TMED3: variants seen among roughly 807,000 people sequenced by gnomAD.
TMED3 encodes the protein transmembrane emp24 domain-containing protein 3.
TMED3 carries 9 observed loss-of-function variants against 15.0 expected under a neutral mutation model. The ratio of observed to expected loss-of-function variants is 0.60; its 90% CI spans 0.36 to 1.04. The LOEUF is 1.04. TMED3 is among the 50% of genes least tolerant of loss of function. The pLI is 0.01. For synonymous variants in TMED3, 117 were observed against 121.4 expected (o/e 0.96, Z 0.24); for missense variants, 267 against 278.9 (o/e 0.96, Z 0.30).
At chr15:79,314,099 A>G in intron 2 of TMED3, 94 bp downstream of exon 2, 3 of 1,508,350 alleles carry the variant, frequency 2.0e-6, no homozygotes, top group Non-Finnish European at 1.8e-6. Flanking sequence ...GTCATCATCC[A>G]TCCAGCTCCC....
chr15:79,315,390 G>C (rs1251485534), intron 2 of TMED3, among the ~76,000 whole-genome samples: 1 of 152,154 alleles, frequency 6.6e-6, no homozygotes, highest in Non-Finnish European at 1.5e-5. Context: ...TGGGCTTTTG[G>C]CAACATGACT....
At chr15:79,377,909 G>A (rs1419523526) in intron 2 of TMED3, among the ~76,000 whole-genome samples, 1 of 152,018 alleles carries the variant, frequency 6.6e-6, no homozygotes, top group Admixed American at 6.5e-5. Context: ...GCCTCCCAAA[G>A]TGCTGGGATT....
At chr15:79,403,926 A>G (rs1485140722) in intron 2 of TMED3, among the ~76,000 whole-genome samples, 1 of 152,148 alleles carries the variant, frequency 6.6e-6, no homozygotes, top group Non-Finnish European at 1.5e-5. Flanking sequence ...GGTTCATTGT[A>G]TATATTGCAT....
chr15:79,322,889 A>C (rs930083613), downstream of TMED3: 1 of 985,396 alleles, frequency 1.0e-6, no homozygotes, highest in Non-Finnish European at 1.2e-6. Flanking sequence ...TCCAGAGCTT[A>C]CTGCAGAGCA....
intron 2 of TMED3, among the ~76,000 whole-genome samples, chr15:79,403,878 T>C (rs114059497): frequency 7.9e-5 from 12 of 152,200 alleles, no homozygotes; most frequent in African/African-American, 2.9e-4. Flanking sequence ...AATATGTACA[T>C]TCTAGATATT....
At chr15:79,357,310 C>T (rs559512089) in intron 2 of TMED3, among the ~76,000 whole-genome samples, 1 of 150,394 alleles carries the variant, frequency 6.6e-6, no homozygotes, top group African/African-American at 2.4e-5. Flanking sequence ...CATAGTGAGA[C>T]TCCCATTTCT....
At chr15:79,404,987 G>A (rs1421130151) in intron 2 of TMED3, among the ~76,000 whole-genome samples, 1 of 152,208 alleles carries the variant, frequency 6.6e-6, no homozygotes, top group Admixed American at 6.5e-5. Context: ...GGTGGCACTG[G>A]TGTGTCAAAG....
chr15:79,383,076 G>A (rs777507156), intron 2 of TMED3: 29 of 1,484,462 alleles, frequency 2.0e-5, no homozygotes, highest in African/African-American at 8.3e-5. Flanking sequence ...CATGCTCCAC[G>A]GGACATGGCT....
At chr15:79,394,124 G>A (rs1893733580) in intron 2 of TMED3, among the ~76,000 whole-genome samples, 1 of 152,136 alleles carries the variant, frequency 6.6e-6, no homozygotes, top group South Asian at 2.1e-4. Context: ...AGCTGAAGAG[G>A]GTCTGCATAG....
At chr15:79,395,164 T>C (rs923145977) in intron 2 of TMED3, among the ~76,000 whole-genome samples, 5 of 152,140 alleles carry the variant, frequency 3.3e-5, no homozygotes, top group Non-Finnish European at 7.4e-5. Flanking sequence ...CTGTAGATGA[T>C]GTCCCTGGTT....
chr15:79,395,867 T>C lies in TMED3; in HGVS notation c.418-15533T>C, dbSNP rs142296957. ...TTGTTCTTTCTCCTAATTGATACTA[T>C]GGCAAATAATAACATTTTGGATGGA... On this transcript the variant is annotated intron_variant, in intron 2 of 2. Transcript: ENST00000424155. Among the ~76,000 whole-genome samples, 677 of 152,352 alleles carry C rather than the reference T, an allele frequency of 4.4e-3. 3 individuals carry two copies. The highest frequency in any genetic ancestry group is 0.016 in the African/African-American group (662 of 41,588).
At chr15:79,410,331 C>T (rs185579421) in intron 2 of TMED3, among the ~76,000 whole-genome samples, 65 of 152,054 alleles carry the variant, frequency 4.3e-4, no homozygotes, top group Non-Finnish European at 5.6e-4. Context: ...GTGAAAAGAC[C>T]CAATTTTTCC....
chr15:79,368,400 C>T (rs971314363), intron 2 of TMED3, among the ~76,000 whole-genome samples: 2 of 152,132 alleles, frequency 1.3e-5, no homozygotes, highest in African/African-American at 2.4e-5. Flanking sequence ...CTGAGAACTC[C>T]TTTAGTGAAA....
chr15:79,325,002 A>C (rs2058782273), downstream of TMED3, among the ~76,000 whole-genome samples: 1 of 152,174 alleles, frequency 6.6e-6, no homozygotes, highest in Non-Finnish European at 1.5e-5. Context: ...ATTAGGATTC[A>C]CCCTGTTTTC....
chr15:79,403,207 C>T (rs968643845), intron 2 of TMED3, among the ~76,000 whole-genome samples: 1 of 104,072 alleles, frequency 9.6e-6, no homozygotes, highest in African/African-American at 3.9e-5. Context: ...TGGGTGACAG[C>T]GGGACTCTGT....
intron 2 of TMED3, among the ~76,000 whole-genome samples, chr15:79,380,618 A>G (rs1348085329): frequency 6.7e-6 from 1 of 148,254 alleles, no homozygotes; most frequent in Non-Finnish European, 1.5e-5. Context: ...GAGAGGGTAT[A>G]TTTTCTGGGG....
intron 2 of TMED3, among the ~76,000 whole-genome samples, chr15:79,405,211 A>G (rs1893887629): frequency 6.6e-6 from 1 of 152,188 alleles, no homozygotes; most frequent in Non-Finnish European, 1.5e-5. Context: ...ATGGCAAGCT[A>G]TTCCCTGCTG....
At chr15:79,380,738 C>T (rs559976486) in intron 2 of TMED3, among the ~76,000 whole-genome samples, 1 of 151,888 alleles carries the variant, frequency 6.6e-6, no homozygotes, top group East Asian at 1.9e-4. Context: ...ACAATATATC[C>T]AAATTCAGAA....
intron 2 of TMED3, chr15:79,314,626 G>A (rs2058732837): frequency 4.5e-6 from 2 of 448,016 alleles, no homozygotes; most frequent in South Asian, 3.1e-5. Context: ...GGCCCAGTGG[G>A]AATACGTATC....
Sources: allele counts gnomAD v4.1 joint callset (sites outside exome capture counted in the v4.1 genomes callset), GRCh38; gene constraint gnomAD v4.1.1; transcripts MANE v1.5; gene names NCBI Gene and HGNC (gene_info 2026-07-23, HGNC 2026-07-21).